NKIRAS1: variants seen among roughly 807,000 people sequenced by gnomAD.
The protein encoded by NKIRAS1 is NFKB inhibitor interacting Ras like 1.
A neutral mutation model predicts 19.8 loss-of-function variants in NKIRAS1; 16 were observed. The ratio of observed to expected loss-of-function variants is 0.81; its 90% CI spans 0.55 to 1.23. NKIRAS1 has a LOEUF of 1.23. NKIRAS1 is among the 50% of genes most tolerant of loss of function. NKIRAS1 has a pLI of 0.00. For missense variants in NKIRAS1, 184 were observed against 220.0 expected (o/e 0.84, Z 1.04); for synonymous variants, 88 against 79.0 (o/e 1.11, Z -0.61).
Position 23,944,841 on chromosome 3 carries a change from G to A in NKIRAS1, c.-140+1482C>T, listed in dbSNP as rs187738518. Among the ~76,000 whole-genome samples, 551 of 150,978 alleles carry A rather than the reference G, an allele frequency of 3.6e-3. 4 individuals are homozygous for A. Among genetic ancestry groups the A allele is most frequent in the African/African-American group, 0.013 (518 of 40,998 alleles). On this transcript the variant is annotated intron_variant, in intron 1 of 4. Coordinates refer to the NKIRAS1 transcript ENST00000421515. ...GAGGTCGGTCGGGTGGGAGCGGGGG[G>A]TGGGGGTGGGGGGCGCAAGGGTTGA...
upstream of NKIRAS1, chr3:23,919,862 G>C (rs34082882): frequency 0.087 from 87,662 of 1,007,450 alleles, 5,110 homozygotes; most frequent in African/African-American, 0.26. Flanking sequence ...TGATGGCAAT[G>C]CTCTGCTGGT....
intron 3 of NKIRAS1, among the ~76,000 whole-genome samples, chr3:23,909,338 G>A (rs866708271): frequency 7.0e-4 from 107 of 152,096 alleles, no homozygotes; most frequent in African/African-American, 1.4e-3. Context: ...CCTGGCCAAC[G>A]TGGTGAAACC....
At chr3:23,898,789 C>T (rs1017068388) in intron 4 of NKIRAS1, among the ~76,000 whole-genome samples, 6 of 152,034 alleles carry the variant, frequency 3.9e-5, no homozygotes, top group South Asian at 2.1e-4. Flanking sequence ...CTAGGTCATG[C>T]GCTGGTACCA....
At chr3:23,912,858 C>T (rs1162062111) in intron 1 of NKIRAS1, among the ~76,000 whole-genome samples, 1 of 151,922 alleles carries the variant, frequency 6.6e-6, no homozygotes, top group Non-Finnish European at 1.5e-5. Context: ...GTGGCTCATG[C>T]CTGTAATCCC....
chr3:23,937,115 G>T (rs554973118), intron 1 of NKIRAS1, among the ~76,000 whole-genome samples: 7 of 152,224 alleles, frequency 4.6e-5, no homozygotes, highest in African/African-American at 9.6e-5. Context: ...GAGAGGCCTG[G>T]GGTGGTGTAA....
chr3:23,914,882 G>A (rs1704162327), intron 1 of NKIRAS1, among the ~76,000 whole-genome samples: 1 of 152,186 alleles, frequency 6.6e-6, no homozygotes, highest in South Asian at 2.1e-4. Flanking sequence ...TTAGGAGCAG[G>A]ACTACGCCCA....
rs1428866414 is a variant in NKIRAS1 at position 23,891,874 on chromosome 3, TTAATATTCAA to T, written c.*1211_*1220del. The T allele has an allele frequency of 6.6e-6, 1 of 152,168 alleles. No individual in the cohort carries two copies. Among genetic ancestry groups the T allele is most frequent in the African/African-American group, 2.4e-5 (1 of 41,438 alleles). 9.4% of individuals were successfully genotyped at this position (152,168 alleles called of 1,614,324 possible). ...TAACATGCATGGGTGGGAAGCTAGA[TTAATATTCAA>T]TAACCGGGGGAAAAGGGTAAGGGGG... On this transcript the variant is annotated 3_prime_UTR_variant, in exon 5 of 5. Coordinates refer to ENST00000425478, the MANE Select transcript of NKIRAS1 (RefSeq NM_020345.4).
At chr3:23,906,173 A>AG (rs1044507316) in intron 3 of NKIRAS1, among the ~76,000 whole-genome samples, 14 of 151,634 alleles carry the variant, frequency 9.2e-5, no homozygotes, top group Non-Finnish European at 1.8e-4. Flanking sequence ...AAAAAAAAAA[A>AG]AAAAACCAAA....
chr3:23,910,191 T>C (rs1288737046), intron 3 of NKIRAS1, among the ~76,000 whole-genome samples: 2 of 133,486 alleles, frequency 1.5e-5, no homozygotes, highest in Non-Finnish European at 3.1e-5. Flanking sequence ...AGAGTCTCGC[T>C]CTGTAGCCCA....
At chr3:23,905,299 C>A (rs137906391) in intron 3 of NKIRAS1, among the ~76,000 whole-genome samples, 1 of 152,288 alleles carries the variant, frequency 6.6e-6, no homozygotes, top group South Asian at 2.1e-4. Context: ...GAATGAGTTG[C>A]AACTGGACAG....
upstream of NKIRAS1, chr3:23,917,625 C>G (rs1160105099): frequency 2.1e-6 from 1 of 477,742 alleles, no homozygotes; most frequent in African/African-American, 2.0e-5. Flanking sequence ...ATTCGCCCCA[C>G]CAAAACGTGC....
chr3:23,920,135 T>C (rs1435938654), upstream of NKIRAS1: 5 of 985,760 alleles, frequency 5.1e-6, no homozygotes, highest in East Asian at 5.7e-4. Flanking sequence ...TAGCAATGAA[T>C]GCTAGGGTGG....
At chr3:23,900,027 T>C in intron 4 of NKIRAS1, among the ~76,000 whole-genome samples, 1 of 151,956 alleles carries the variant, frequency 6.6e-6, no homozygotes, top group East Asian at 1.9e-4. Flanking sequence ...CTGGGCCTGG[T>C]AGCACACGCC....
chr3:23,941,272 T>G (rs773034943), intron 1 of NKIRAS1, among the ~76,000 whole-genome samples: 6 of 152,222 alleles, frequency 3.9e-5, no homozygotes, highest in Admixed American at 6.5e-5. Flanking sequence ...CATACTGCAG[T>G]GCGCCACTTG....
At chr3:23,898,468 A>T (rs568596369) in intron 4 of NKIRAS1, among the ~76,000 whole-genome samples, 1 of 149,324 alleles carries the variant, frequency 6.7e-6, no homozygotes, top group East Asian at 2.0e-4. Flanking sequence ...TCCGAGACAG[A>T]GTCTTGCTCT....
intron 2 of NKIRAS1, among the ~76,000 whole-genome samples, 194 bp from the exon 3 acceptor site, chr3:23,911,115 G>A (rs1040353153): frequency 6.6e-6 from 1 of 152,140 alleles, no homozygotes; most frequent in African/African-American, 2.4e-5. Flanking sequence ...AGAGCAATAA[G>A]CATTATCAGT....
In NKIRAS1 at chr3:23,946,065, C is replaced by T. The variant is rs569399477; in HGVS notation, c.-140+258G>A. 26 of 980,808 alleles carry T rather than the reference C, an allele frequency of 2.7e-5. 1 individual carries two copies. In the South Asian group the frequency reaches 1.2e-3, roughly 45 times the overall value. The allele number at this position is 980,808 out of a possible 1,614,324, so 60.8% of individuals were successfully genotyped here. On this transcript the variant is annotated intron_variant, in intron 1 of 4. Transcript: ENST00000421515. ...CGCGCGCTGGCTGGGAGCGCCGCAG[C>T]CTCCCGGGAGGCTCCGCCCCTTTGG...
At chr3:23,913,397 T>A (rs943167087) in intron 1 of NKIRAS1, among the ~76,000 whole-genome samples, 7 of 152,172 alleles carry the variant, frequency 4.6e-5, no homozygotes, top group Non-Finnish European at 7.3e-5. Context: ...AAAAGATAAG[T>A]GTGATTAATC....
At chr3:23,946,229 G>A (rs1259884456) in intron 1 of NKIRAS1, 4 of 985,328 alleles carry the variant, frequency 4.1e-6, no homozygotes, top group East Asian at 1.1e-4. Flanking sequence ...GCAGTGCACC[G>A]GACGCCGCAC....
Sources: allele counts gnomAD v4.1 joint callset (sites outside exome capture counted in the v4.1 genomes callset), GRCh38; gene constraint gnomAD v4.1.1; transcripts MANE v1.5; gene names NCBI Gene and HGNC (gene_info 2026-07-23, HGNC 2026-07-21).